Variants in ASIC2 observed in about 807,000 individuals in gnomAD.
ASIC2 encodes the protein acid sensing ion channel subunit 2.
A neutral mutation model predicts 57.3 loss-of-function variants in ASIC2; 25 were observed. That is an observed-to-expected ratio of 0.44 (90% CI 0.32 to 0.61). The LOEUF (loss-of-function observed/expected upper bound fraction) is 0.61. Among genes scored for constraint, ASIC2 ranks in the 20% least tolerant of loss-of-function variants. The pLI is 0.06. For missense variants in ASIC2, 641 were observed against 738.1 expected (o/e 0.87, Z 1.52); for synonymous variants, 319 against 307.5 (o/e 1.04, Z -0.39).
At chr17:33,211,496 AT>A (rs2142088330) in intron 1 of ASIC2, among the ~76,000 whole-genome samples, 1 of 151,478 alleles carries the variant, frequency 6.6e-6, no homozygotes, top group East Asian at 1.9e-4. Flanking sequence ...AAAATGCCTT[AT>A]CTGAATAAAG....
At chr17:33,791,023 G>A (rs1911753978) in intron 1 of ASIC2, among the ~76,000 whole-genome samples, 1 of 152,140 alleles carries the variant, frequency 6.6e-6, no homozygotes, top group African/African-American at 2.4e-5. Flanking sequence ...ATGTCTCCCT[G>A]GCCTGTGCCC....
chr17:33,088,562 C>CAA (rs545052357), intron 3 of ASIC2, among the ~76,000 whole-genome samples: 21 of 145,628 alleles, frequency 1.4e-4, no homozygotes, highest in South Asian at 1.1e-3. Flanking sequence ...ATCCCCTGGC[C>CAA]AAAAAAAAAA....
rs1223249913 is a variant in ASIC2 at position 33,023,769 on chromosome 17, A to C, written c.1349+92T>G. 6 of 1,541,008 alleles carry C rather than the reference A, an allele frequency of 3.9e-6. No individual in the cohort carries two copies. In the African/African-American group the frequency reaches 6.8e-5, roughly 18 times the overall value. ...AACTAATGTTTGCTAACTTGAACCA[A>C]ATGCTTATCTTTGCTTTCCTCCTTG... On this transcript the variant is annotated intron_variant, in intron 6 of 9. Transcript: ENST00000225823.
intron 1 of ASIC2, among the ~76,000 whole-genome samples, chr17:33,850,399 C>T (rs757635226): frequency 2.0e-4 from 31 of 152,332 alleles, no homozygotes; most frequent in Admixed American, 2.0e-4. Context: ...TTCAGAAAGA[C>T]AGTTAATGGG....
chr17:33,631,079 T>C (rs925457590), intron 1 of ASIC2, among the ~76,000 whole-genome samples: 1 of 152,140 alleles, frequency 6.6e-6, no homozygotes, highest in Non-Finnish European at 1.5e-5. Context: ...AAGTGGAAGG[T>C]TGTCCAATTT....
chr17:33,381,981 C>T (rs976532317), intron 1 of ASIC2, among the ~76,000 whole-genome samples: 6 of 152,158 alleles, frequency 3.9e-5, no homozygotes, highest in Non-Finnish European at 8.8e-5. Flanking sequence ...TATTTAATTG[C>T]TGCATGGTGG....
At chr17:33,519,827 C>T (rs1914688401) in intron 1 of ASIC2, among the ~76,000 whole-genome samples, 1 of 152,174 alleles carries the variant, frequency 6.6e-6, no homozygotes, top group South Asian at 2.1e-4. Flanking sequence ...TTGCTGTAAC[C>T]GAGAGTGAGC....
intron 1 of ASIC2, among the ~76,000 whole-genome samples, chr17:33,753,342 A>G (rs2932929): frequency 0.34 from 51,521 of 151,964 alleles, 10,637 homozygotes; most frequent in Non-Finnish European, 0.49. Context: ...TGGGGGTGGG[A>G]GTCTTTTTGG....
intron 3 of ASIC2, among the ~76,000 whole-genome samples, chr17:33,032,448 T>TG (rs1370360587): frequency 7.1e-4 from 40 of 56,474 alleles, no homozygotes; most frequent in African/African-American, 1.7e-3. Flanking sequence ...CTGTTTTTTT[T>TG]TTTTTTTTTT....
chr17:34,058,649 G>A (rs1320790865), intron 1 of ASIC2, among the ~76,000 whole-genome samples: 1 of 152,100 alleles, frequency 6.6e-6, no homozygotes, highest in African/African-American at 2.4e-5. Flanking sequence ...GGATCTCAGG[G>A]AAATGTATTA....
At chr17:33,759,859 A>T (rs1016694429) in intron 1 of ASIC2, among the ~76,000 whole-genome samples, 3 of 152,136 alleles carry the variant, frequency 2.0e-5, no homozygotes, top group Admixed American at 6.5e-5. Flanking sequence ...ATTTCAAAGG[A>T]TGGTATAGAA....
chr17:33,173,823 G>C (rs942928166), intron 1 of ASIC2, among the ~76,000 whole-genome samples: 1 of 152,204 alleles, frequency 6.6e-6, no homozygotes, highest in African/African-American at 2.4e-5. Context: ...TGAAGCTACA[G>C]GCACTGTGCC....
At chr17:33,842,191 C>T (rs915807289) in intron 1 of ASIC2, among the ~76,000 whole-genome samples, 7 of 152,182 alleles carry the variant, frequency 4.6e-5, no homozygotes, top group African/African-American at 1.7e-4. Context: ...TTAACACCCT[C>T]CCCTTAATGA....
intron 1 of ASIC2, among the ~76,000 whole-genome samples, chr17:33,220,279 A>C (rs915835956): frequency 1.9e-4 from 29 of 152,194 alleles, no homozygotes; most frequent in African/African-American, 7.0e-4. Context: ...CAGCTGTTGG[A>C]AAGGCCTTCC....
chr17:33,164,576 G>GTGCA (rs1905252483), intron 1 of ASIC2, among the ~76,000 whole-genome samples: 1 of 149,782 alleles, frequency 6.7e-6, no homozygotes, highest in South Asian at 2.1e-4. Flanking sequence ...GCACATGCAC[G>GTGCA]CACACACACA....
chr17:33,205,749 T>C (rs1907036602), intron 1 of ASIC2, among the ~76,000 whole-genome samples: 1 of 152,174 alleles, frequency 6.6e-6, no homozygotes, highest in African/African-American at 2.4e-5. Flanking sequence ...TATGACATCA[T>C]TTCTTCCCTC....
intron 1 of ASIC2, among the ~76,000 whole-genome samples, chr17:33,236,126 T>A (rs1014296592): frequency 6.6e-6 from 1 of 151,992 alleles, no homozygotes; most frequent in African/African-American, 2.4e-5. Context: ...GTTGATGATA[T>A]TTAGACAAGA....
At chr17:34,039,357 G>A in intron 1 of ASIC2, 1 of 1,613,962 alleles carries the variant, frequency 6.2e-7, no homozygotes, top group Non-Finnish European at 8.5e-7. Flanking sequence ...CAAAAGTGAA[G>A]CAGAGGCCAG....
intron 1 of ASIC2, among the ~76,000 whole-genome samples, chr17:33,780,074 A>G (rs191388152): frequency 2.3e-4 from 34 of 147,502 alleles, no homozygotes; most frequent in African/African-American, 8.0e-4. Flanking sequence ...AGGCTCAAGC[A>G]ATTCTCCTTC....
Sources: allele counts gnomAD v4.1 joint callset (sites outside exome capture counted in the v4.1 genomes callset), GRCh38; gene constraint gnomAD v4.1.1; transcripts MANE v1.5; gene names NCBI Gene and HGNC (gene_info 2026-07-23, HGNC 2026-07-21).